Variants in DOCK5 observed in about 807,000 individuals in gnomAD.
DOCK5 encodes dedicator of cytokinesis 5.
A neutral mutation model predicts 251.8 loss-of-function variants in DOCK5; 142 were observed. That is an observed-to-expected ratio of 0.56 (90% confidence interval 0.49 to 0.65). DOCK5 has a LOEUF of 0.65. Among genes scored for constraint, DOCK5 ranks in the 30% least tolerant of loss-of-function variants. The pLI is 0.00. For missense variants in DOCK5, 2,111 were observed against 2,312.3 expected, an observed-to-expected ratio of 0.91 and a Z score of 1.79; for synonymous variants, 842 against 835.5, an observed-to-expected ratio of 1.01 and a Z score of -0.13.
Position 25,412,959 on chromosome 8 carries a change from A to C in DOCK5, c.*1661A>C, listed in dbSNP as rs565389135. 3 of 152,268 alleles carry C rather than the reference A, an allele frequency of 2.0e-5. No homozygotes were observed. In the South Asian group the frequency reaches 6.2e-4, roughly 32 times the overall value. 9.4% of individuals were successfully genotyped at this position (152,268 alleles called of 1,614,324 possible). The stretch of plus-strand genomic sequence containing the variant: ...GTGGAAAAGGTGATCCTTTACCCCC[A>C]CCCAGGAAAACCTGCATTGTGCTAG... On this transcript the variant is annotated 3_prime_UTR_variant, in exon 52 of 52. Transcript: ENST00000276440.
At chr8:25,348,977 C>G (rs1323640063) in intron 26 of DOCK5, among the ~76,000 whole-genome samples, 2 of 152,104 alleles carry the variant, frequency 1.3e-5, no homozygotes, top group Non-Finnish European at 2.9e-5. Context: ...TAGGGCCACA[C>G]TAAGGAAATG....
At chr8:25,281,305 G>A (rs1397460559) in intron 5 of DOCK5, among the ~76,000 whole-genome samples, 1 of 151,946 alleles carries the variant, frequency 6.6e-6, no homozygotes, top group Non-Finnish European at 1.5e-5. Flanking sequence ...GCTTGTGCCT[G>A]TAATCCCAGC....
At position 25,231,733 on chromosome 8, in the gene DOCK5, C is replaced by T. The variant is rs116511533; in HGVS notation, c.44-11941C>T. Among the ~76,000 whole-genome samples, 1,352 of 152,144 alleles carry T rather than the reference C, an allele frequency of 8.9e-3. 20 individuals are homozygous for T. Among genetic ancestry groups the T allele is most frequent in the African/African-American group, 0.031 (1,293 of 41,520 alleles). Reference sequence around the variant, plus strand: ...CCCACCCTTAAAATGTGAAATAGAGCGATTCAAGCAGATATCTTTGCCTTG... The same window carrying T: ...CCCACCCTTAAAATGTGAAATAGAGTGATTCAAGCAGATATCTTTGCCTTG... On this transcript the variant is annotated intron_variant, in intron 1 of 51. Coordinates refer to ENST00000276440, the MANE Select transcript of DOCK5 (RefSeq NM_024940.8).
At position 25,389,165 on chromosome 8, in the gene DOCK5, C is replaced by A. The variant is rs113752971; in HGVS notation, c.4206C>A (p.Phe1402Leu). 1.4e-5 allele frequency: 23 copies of A among 1,613,864 alleles called. No individual in the cohort carries two copies. The African/African-American group carries it at 2.5e-4, about 18-fold the overall frequency. ...EDFSLRLLTQ[F>L]PNAEKMTSTT... Reference sequence around the variant, plus strand: ...TCAGCCTGAGGTTGTTAACCCAGTTCCCCAATGCGGAGAAGATGACCAGTA... The same window carrying A: ...TCAGCCTGAGGTTGTTAACCCAGTTACCCAATGCGGAGAAGATGACCAGTA... Residue 1402 changes from phenylalanine to leucine, a missense_variant, in exon 41 of 52, where the codon TTC (phenylalanine) becomes TTA (leucine). Physicochemically the swap from Phe to Leu is conservative, Grantham distance 22 (BLOSUM62 0). Coordinates refer to ENST00000276440, the MANE Select transcript of DOCK5 (RefSeq NM_024940.8).
intron 1 of DOCK5, among the ~76,000 whole-genome samples, chr8:25,208,808 G>C (rs1802062849): frequency 6.6e-6 from 1 of 152,168 alleles, no homozygotes; most frequent in African/African-American, 2.4e-5. Flanking sequence ...CTTAAGAATA[G>C]AGGACAAATC....
chr8:25,291,274 C>T (rs1257108262), intron 5 of DOCK5, among the ~76,000 whole-genome samples: 2 of 152,046 alleles, frequency 1.3e-5, no homozygotes, highest in Non-Finnish European at 2.9e-5. Flanking sequence ...TCCACAGTTG[C>T]AAGAGGGGAG....
At chr8:25,354,508 A>T (rs543966697) in intron 27 of DOCK5, among the ~76,000 whole-genome samples, 1 of 152,316 alleles carries the variant, frequency 6.6e-6, no homozygotes, top group East Asian at 1.9e-4. Context: ...GCAGGACTGG[A>T]TGTAAAGGCA....
chr8:25,386,076 G>T (rs1801159720), intron 40 of DOCK5, among the ~76,000 whole-genome samples: 3 of 152,104 alleles, frequency 2.0e-5, no homozygotes, highest in Admixed American at 2.0e-4. Context: ...GCCTCCCAGG[G>T]CTTTCTAAAG....
intron 3 of DOCK5, among the ~76,000 whole-genome samples, chr8:25,273,050 T>C (rs892805249): frequency 6.7e-6 from 1 of 150,272 alleles, no homozygotes; most frequent in Non-Finnish European, 1.5e-5. Flanking sequence ...GAGATGATAG[T>C]CAGCAAATCA....
intron 3 of DOCK5, among the ~76,000 whole-genome samples, chr8:25,274,352 G>A (rs531589279): frequency 6.6e-6 from 1 of 152,178 alleles, no homozygotes; most frequent in Non-Finnish European, 1.5e-5. Context: ...ACAGTGCCAG[G>A]TATAAGCTCC....
intron 1 of DOCK5, among the ~76,000 whole-genome samples, chr8:25,209,282 G>A (rs1802075743): frequency 1.8e-5 from 1 of 56,470 alleles, no homozygotes; most frequent in Admixed American, 2.1e-4. Context: ...CCGAGGCTCA[G>A]GCAGACACAC....
rs1046264084 is a variant in DOCK5 at position 25,304,130 on chromosome 8, A to G, written c.977-125A>G. The G allele has an allele frequency of 6.3e-6, 5 of 795,154 alleles. No individual in the cohort carries two copies. The African/African-American group carries it at 7.2e-5, about 12-fold the overall frequency. 49.3% of individuals were successfully genotyped at this position (795,154 alleles called of 1,614,324 possible). ...ATCACCATTGGCAAAGAAATTTTAAAAAAGTCCCTGCTTAGTACCTTTCTT... is the reference window on the plus strand; with the variant it reads ...ATCACCATTGGCAAAGAAATTTTAAGAAAGTCCCTGCTTAGTACCTTTCTT... On this transcript the variant is annotated intron_variant, in intron 10 of 51. Transcript: ENST00000276440.
chr8:25,199,410 G>A (rs1290812248), intron 1 of DOCK5, among the ~76,000 whole-genome samples: 1 of 136,112 alleles, frequency 7.3e-6, no homozygotes, highest in Non-Finnish European at 1.5e-5. Context: ...GTGAGACGGA[G>A]TCTTGCTTTG....
At chr8:25,227,873 TTTG>T (rs370901349) in intron 1 of DOCK5, among the ~76,000 whole-genome samples, 13 of 152,248 alleles carry the variant, frequency 8.5e-5, no homozygotes, top group Middle Eastern at 3.4e-3. Context: ...TTTCTGTGCT[TTTG>T]TTGTTGTTGT....
intron 42 of DOCK5, 135 bp downstream of exon 42, chr8:25,390,422 C>A: frequency 1.4e-6 from 1 of 703,774 alleles, no homozygotes; most frequent in Non-Finnish European, 2.3e-6. Flanking sequence ...GCCTGGGCAA[C>A]AAAGTGGGAT....
At chr8:25,246,047 A>G (rs1436412354) in intron 2 of DOCK5, among the ~76,000 whole-genome samples, 1 of 152,048 alleles carries the variant, frequency 6.6e-6, no homozygotes, top group Non-Finnish European at 1.5e-5. Flanking sequence ...GCTAATTTAG[A>G]ATTGTTGTGT....
chr8:25,370,874 C>T (rs1287227737), intron 34 of DOCK5, among the ~76,000 whole-genome samples: 1 of 152,104 alleles, frequency 6.6e-6, no homozygotes, highest in Admixed American at 6.5e-5. Context: ...AAACTCTTGG[C>T]CTCAGGCAAT....
intron 1 of DOCK5, among the ~76,000 whole-genome samples, chr8:25,190,834 A>AGTG (rs1801565857): frequency 8.9e-6 from 1 of 112,846 alleles, no homozygotes; most frequent in Non-Finnish European, 1.6e-5. Flanking sequence ...CCCAGGGTGG[A>AGTG]GTGCAGTGGC....
rs1053411227 is a variant in DOCK5, at chr8:25,412,948, C to T, written c.*1650C>T. On this transcript the variant is annotated 3_prime_UTR_variant, in exon 52 of 52. Transcript: ENST00000276440. ...CTGGAAGGGGTGTGGAAAAGGTGAT[C>T]CTTTACCCCCACCCAGGAAAACCTG... 4 of 152,102 alleles carry T rather than the reference C, an allele frequency of 2.6e-5. No individual in the cohort carries two copies. The highest frequency in any genetic ancestry group is 9.7e-5 in the African/African-American group (4 of 41,418). 9.4% of individuals were successfully genotyped at this position (152,102 alleles called of 1,614,324 possible).
Sources: gnomAD v4.1 joint callset for allele counts (sites outside exome capture counted in the v4.1 genomes callset) on GRCh38, gnomAD v4.1.1 for gene constraint, MANE v1.5 for transcripts, NCBI Gene and HGNC (gene_info 2026-07-23, HGNC 2026-07-21) for gene names.